TAFA1: variants seen among roughly 807,000 people sequenced by gnomAD.
TAFA1 encodes the protein chemokine-like protein TAFA-1.
A neutral mutation model predicts 18.5 loss-of-function variants in TAFA1; 4 were observed. The observed-to-expected ratio is 0.22, with a 90% CI of 0.11 to 0.49. TAFA1 has a LOEUF of 0.49. Among genes scored for constraint, TAFA1 ranks in the 20% least tolerant of loss-of-function variants. The probability of loss-of-function intolerance (pLI) is 0.98; values close to 1 mark genes in which losing one functional copy is unlikely to be tolerated. For missense variants in TAFA1, 147 were observed against 169.0 expected (o/e 0.87, Z 0.72); for synonymous variants, 56 against 55.2 (o/e 1.01, Z -0.06).
At chr3:68,282,669 A>G (rs2067920574) in intron 2 of TAFA1, among the ~76,000 whole-genome samples, 1 of 152,150 alleles carries the variant, frequency 6.6e-6, no homozygotes, top group South Asian at 2.1e-4. Flanking sequence ...TAGCAAAATC[A>G]AGGCTGGGAA....
At chr3:68,031,291 C>T (rs1172734893) in intron 2 of TAFA1, among the ~76,000 whole-genome samples, 1 of 152,078 alleles carries the variant, frequency 6.6e-6, no homozygotes, top group African/African-American at 2.4e-5. Context: ...GAATTCATTT[C>T]CTTATGGGGC....
At chr3:68,062,925 C>G (rs1372234665) in intron 2 of TAFA1, among the ~76,000 whole-genome samples, 2 of 152,192 alleles carry the variant, frequency 1.3e-5, no homozygotes, top group Non-Finnish European at 2.9e-5. Context: ...TTTTGACAGT[C>G]TTCAGTGGCA....
chr3:68,153,035 A>C (rs2065825920), intron 2 of TAFA1, among the ~76,000 whole-genome samples: 1 of 152,168 alleles, frequency 6.6e-6, no homozygotes, highest in African/African-American at 2.4e-5. Flanking sequence ...TTAATAGTAC[A>C]AGGAGAGGGA....
At chr3:68,484,133 TA>T (rs2072290849) in intron 3 of TAFA1, among the ~76,000 whole-genome samples, 1 of 152,268 alleles carries the variant, frequency 6.6e-6, no homozygotes, top group Non-Finnish European at 1.5e-5. Context: ...TTTCAACATG[TA>T]ATCAATATAA....
intron 4 of TAFA1, among the ~76,000 whole-genome samples, chr3:68,540,744 C>T (rs1452422886): frequency 6.6e-6 from 1 of 151,986 alleles, no homozygotes; most frequent in African/African-American, 2.4e-5. Context: ...TCCAAGAGTA[C>T]CAACTAGGAG....
At chr3:68,421,058 A>G (rs944100311) in intron 3 of TAFA1, among the ~76,000 whole-genome samples, 5 of 152,238 alleles carry the variant, frequency 3.3e-5, no homozygotes, top group Non-Finnish European at 7.3e-5. Context: ...AATGATCTAG[A>G]AATAGAATTG....
intron 3 of TAFA1, among the ~76,000 whole-genome samples, chr3:68,454,104 T>C (rs1284121493): frequency 6.6e-6 from 1 of 152,198 alleles, no homozygotes; most frequent in African/African-American, 2.4e-5. Context: ...AAATGAAGAT[T>C]CTGCAACTTC....
intron 2 of TAFA1, among the ~76,000 whole-genome samples, chr3:68,394,069 A>C (rs13099458): frequency 0.067 from 10,183 of 152,084 alleles, 398 homozygotes; most frequent in East Asian, 0.14. Context: ...GTCTCAATCC[A>C]AAAACTCCTT....
chr3:68,369,413 A>G (rs1010889774), intron 2 of TAFA1, among the ~76,000 whole-genome samples: 2 of 152,200 alleles, frequency 1.3e-5, no homozygotes, highest in Non-Finnish European at 2.9e-5. Context: ...ACTAAAGTGA[A>G]TTTTCAATTT....
intron 2 of TAFA1, among the ~76,000 whole-genome samples, chr3:68,028,749 AAAT>A (rs1704870414): frequency 4.7e-3 from 160 of 33,862 alleles, no homozygotes; most frequent in Non-Finnish European, 8.1e-3. Context: ...TTTTTTTTTA[AAAT>A]TTTTTTTTTT....
intron 2 of TAFA1, among the ~76,000 whole-genome samples, chr3:68,223,923 C>T (rs2107099560): frequency 6.6e-6 from 1 of 151,486 alleles, no homozygotes; most frequent in South Asian, 2.1e-4. Context: ...TATGTGACTA[C>T]CTCAACATCA....
the TAFA1 span, among the ~76,000 whole-genome samples, chr3:67,997,944 C>G: frequency 6.6e-6 from 1 of 151,084 alleles, no homozygotes. Flanking sequence ...ATTAAGAGCA[C>G]CATTAGAGGA....
chr3:68,516,726 A>T (rs914144291), intron 3 of TAFA1, among the ~76,000 whole-genome samples: 4 of 152,206 alleles, frequency 2.6e-5, no homozygotes, highest in African/African-American at 9.7e-5. Context: ...CATTTCAGAT[A>T]ATAGTACAGG....
chr3:68,400,668 T>A (rs72628614), intron 2 of TAFA1, among the ~76,000 whole-genome samples: 3,831 of 152,310 alleles, frequency 0.025, 74 homozygotes, highest in East Asian at 0.094. Context: ...TTATATATAC[T>A]GTTGATTCAT....
chr3:68,390,156 A>C (rs2070200076), intron 2 of TAFA1, among the ~76,000 whole-genome samples: 2 of 152,096 alleles, frequency 1.3e-5, no homozygotes, highest in Non-Finnish European at 2.9e-5. Flanking sequence ...TGGGATGCTC[A>C]AGCTTGGTGG....
At chr3:68,232,800 C>T (rs1559568567) in intron 2 of TAFA1, among the ~76,000 whole-genome samples, 1 of 152,046 alleles carries the variant, frequency 6.6e-6, no homozygotes, top group Non-Finnish European at 1.5e-5. Flanking sequence ...GATGAGGTCT[C>T]GTTACGTTTC....
intron 2 of TAFA1, among the ~76,000 whole-genome samples, chr3:68,393,313 T>A (rs553669831): frequency 6.6e-6 from 1 of 150,744 alleles, no homozygotes; most frequent in African/African-American, 2.4e-5. Flanking sequence ...CAGGAAGAAG[T>A]CAAATCCCTG....
intron 2 of TAFA1, among the ~76,000 whole-genome samples, chr3:68,318,283 C>T (rs2068638604): frequency 6.6e-6 from 1 of 152,126 alleles, no homozygotes; most frequent in Non-Finnish European, 1.5e-5. Flanking sequence ...ATATGCTTCT[C>T]CCTCTCCTGG....
intron 2 of TAFA1, among the ~76,000 whole-genome samples, chr3:68,370,626 T>C (rs533999403): frequency 6.8e-6 from 1 of 147,548 alleles, no homozygotes; most frequent in South Asian, 2.1e-4. Context: ...ACAAGTAGGA[T>C]GATGGAGTTC....
Sources: gnomAD v4.1 joint callset for allele counts (sites outside exome capture counted in the v4.1 genomes callset) on GRCh38, gnomAD v4.1.1 for gene constraint, MANE v1.5 for transcripts, NCBI Gene and HGNC (gene_info 2026-07-23, HGNC 2026-07-21) for gene names.